UGT1A10: variants seen among roughly 807,000 people sequenced by gnomAD.
UGT1A10 encodes the protein UDP-glucuronosyltransferase 1A10.
In UGT1A10, 49 loss-of-function variants were observed where a neutral mutation model predicts 45.8. The ratio of observed to expected loss-of-function variants is 1.07; its 90% CI spans 0.85 to 1.36. The LOEUF (loss-of-function observed/expected upper bound fraction) is 1.36, where lower values mean the gene tolerates loss of function less well. Ranked by LOEUF, UGT1A10 falls within the 40% of genes most tolerant of loss-of-function variation. UGT1A10 has a pLI of 0.00. For synonymous variants in UGT1A10, 284 were observed against 249.7 expected, an observed-to-expected ratio of 1.14 and a Z score of -1.29; for missense variants, 745 against 668.6, an observed-to-expected ratio of 1.11 and a Z score of -1.26.
At chr2:233,714,373 T>G (rs899133661) in intron 1 of UGT1A10, among the ~76,000 whole-genome samples, 1 of 152,172 alleles carries the variant, frequency 6.6e-6, no homozygotes, top group Admixed American at 6.5e-5. Flanking sequence ...TTGACTCAGT[T>G]CAGTGGAATT....
intron 1 of UGT1A10, among the ~76,000 whole-genome samples, chr2:233,660,019 T>C (rs1290420852): frequency 6.6e-6 from 1 of 152,222 alleles, no homozygotes; most frequent in South Asian, 2.1e-4. Context: ...TCAAACTCTT[T>C]ATGCCCACCT....
chr2:233,671,831 A>T, intron 1 of UGT1A10: 1 of 1,460,028 alleles, frequency 6.8e-7, no homozygotes, highest in Admixed American at 2.6e-5. Flanking sequence ...AAAGGATAAA[A>T]ACACGCCCTC....
chr2:233,729,918 C>T (rs748265194), intron 1 of UGT1A10: 1 of 1,613,918 alleles, frequency 6.2e-7, no homozygotes, highest in African/African-American at 1.3e-5. Context: ...TTGTGATGGA[C>T]TACCCCAGGC....
chr2:233,743,928 A>G, intron 1 of UGT1A10: 1 of 1,360,462 alleles, frequency 7.4e-7, no homozygotes. Context: ...CTGGATGGCC[A>G]GAACGGCCCA....
chr2:233,758,620 A>G (rs2125966627), intron 1 of UGT1A10, among the ~76,000 whole-genome samples: 1 of 152,334 alleles, frequency 6.6e-6, no homozygotes, highest in South Asian at 2.1e-4. Context: ...ATGTGCATGC[A>G]AAGTACCTAC....
rs766281304 is a variant in UGT1A10 at position 233,769,518 on chromosome 2, T to C, written c.1295+1079T>C. On this transcript the variant is annotated intron_variant, in intron 4 of 4. Coordinates refer to ENST00000344644, the MANE Select transcript of UGT1A10 (RefSeq NM_019075.4). This position sits in a 1 kb window ranked among gnomAD's most constrained non-coding sequence, Gnocchi z 4.4. ...GAGTGTCCATTGCTTTCTCCCATGG[T>C]TACCTCCTTTAGAAAGAAGCAGCAG... The C allele has an allele frequency of 1.2e-6, 2 of 1,612,876 alleles. No homozygotes were observed. Among genetic ancestry groups the C allele is most frequent in the South Asian group, 2.2e-5 (2 of 91,072 alleles).
chr2:233,752,437 T>C (rs973405993), intron 1 of UGT1A10: 4 of 152,200 alleles, frequency 2.6e-5, no homozygotes, highest in African/African-American at 9.7e-5. Context: ...CGAACCCTTT[T>C]ATAAAAGATG....
At chr2:233,736,960 T>C (rs1472477561) in intron 1 of UGT1A10, among the ~76,000 whole-genome samples, 1 of 152,166 alleles carries the variant, frequency 6.6e-6, no homozygotes, top group Non-Finnish European at 1.5e-5. Context: ...TGGCCCCTAC[T>C]GGGAGGTGTT....
rs1693674969 is a variant in UGT1A10 at position 233,747,432 on chromosome 2, T to A, written c.856-19602T>A. ...GAATATGCACATCAAACAAGAGAAA[T>A]TTTTCACCCTGACAACCTATGCCAT... On this transcript the variant is annotated intron_variant, in intron 1 of 4. Transcript: ENST00000344644. 1.9e-6 allele frequency: 3 copies of A among 1,608,474 alleles called. No individual in the cohort carries two copies. The Admixed American group carries it at 5.0e-5, about 27-fold the overall frequency.
At chr2:233,661,623 T>TTTTCTTTC (rs55749169) in intron 1 of UGT1A10, among the ~76,000 whole-genome samples, 15,097 of 123,636 alleles carry the variant, frequency 0.12, 1,119 homozygotes, top group East Asian at 0.17. Context: ...ACTTACTGAA[T>TTTTCTTTC]TTTCTTTCTT....
intron 1 of UGT1A10, among the ~76,000 whole-genome samples, chr2:233,660,086 G>C (rs1418096664): frequency 6.6e-6 from 1 of 152,200 alleles, no homozygotes; most frequent in African/African-American, 2.4e-5. Flanking sequence ...GATTGGCTCT[G>C]TTTTAAGTCC....
intron 1 of UGT1A10, among the ~76,000 whole-genome samples, chr2:233,712,016 C>T (rs527478948): frequency 2.0e-5 from 3 of 152,332 alleles, no homozygotes; most frequent in Admixed American, 1.3e-4. Context: ...CCATTCTTAT[C>T]AGAACTTGGT....
intron 1 of UGT1A10, among the ~76,000 whole-genome samples, chr2:233,665,135 T>G (rs2074046506): frequency 6.6e-6 from 1 of 152,236 alleles, no homozygotes; most frequent in Non-Finnish European, 1.5e-5. Flanking sequence ...GACATATTGT[T>G]CTTTACTTTG....
intron 4 of UGT1A10, 67 bp from the exon 5 acceptor site, chr2:233,772,195 G>A (rs1700480706): frequency 1.9e-6 from 3 of 1,602,230 alleles, no homozygotes; most frequent in Non-Finnish European, 2.6e-6. Flanking sequence ...AAGCAGCCAT[G>A]AGCATAAAGA....
chr2:233,639,079 C>T (rs1384591163), intron 1 of UGT1A10, among the ~76,000 whole-genome samples: 2 of 152,076 alleles, frequency 1.3e-5, no homozygotes, highest in Non-Finnish European at 2.9e-5. Context: ...CACAGGGTCA[C>T]CTAGAGGCCT....
At chr2:233,711,090 C>T (rs369326612) in intron 1 of UGT1A10, among the ~76,000 whole-genome samples, 94 of 152,334 alleles carry the variant, frequency 6.2e-4, no homozygotes, top group African/African-American at 2.2e-3. Context: ...CCAAGTCTAT[C>T]TGTGCAGCCC....
chr2:233,749,081 G>T (rs958459779), intron 1 of UGT1A10, among the ~76,000 whole-genome samples: 3 of 151,758 alleles, frequency 2.0e-5, no homozygotes, highest in African/African-American at 7.3e-5. Context: ...TCCTTGGTGT[G>T]CCATGTATTT....
At chr2:233,713,669 T>G in intron 1 of UGT1A10, 1 of 1,613,978 alleles carries the variant, frequency 6.2e-7, no homozygotes, top group Non-Finnish European at 8.5e-7. Context: ...TTTGCCATGC[T>G]GTTTCTGCTC....
intron 1 of UGT1A10, among the ~76,000 whole-genome samples, chr2:233,681,529 T>TTA (rs2074527086): frequency 1.6e-5 from 1 of 63,104 alleles, no homozygotes; most frequent in Non-Finnish European, 2.8e-5. Context: ...AGACTCCATC[T>TTA]CAAAAAAAAA....
Sources: gnomAD v4.1 joint callset for allele counts (sites outside exome capture counted in the v4.1 genomes callset) on GRCh38, gnomAD v4.1.1 for gene constraint, Gnocchi (gnomAD v3.1) non-coding constraint, MANE v1.5 for transcripts, NCBI Gene and HGNC (gene_info 2026-07-23, HGNC 2026-07-21) for gene names.